Variants in FAM168A observed in about 807,000 individuals in gnomAD.
FAM168A encodes the protein family with sequence similarity 168 member A.
FAM168A carries 3 observed loss-of-function variants against 28.5 expected under a neutral mutation model. The ratio of observed to expected loss-of-function variants is 0.11; its 90% CI spans 0.05 to 0.27. The LOEUF (loss-of-function observed/expected upper bound fraction) is 0.27. Ranked by LOEUF, FAM168A falls within the 10% of genes least tolerant of loss-of-function variation. FAM168A has a pLI of 1.00. For synonymous variants in FAM168A, 122 were observed against 124.2 expected (o/e 0.98, Z 0.12); for missense variants, 222 against 311.5 (o/e 0.71, Z 2.16).
intron 1 of FAM168A, among the ~76,000 whole-genome samples, chr11:73,574,025 G>A (rs1006597077): frequency 3.3e-5 from 5 of 151,784 alleles, no homozygotes; most frequent in African/African-American, 1.2e-4. Flanking sequence ...CTCAGGAGGC[G>A]AGGCAGGGGG....
intron 1 of FAM168A, among the ~76,000 whole-genome samples, chr11:73,589,495 G>GAAAAAAAAAAAA (rs780232062): frequency 3.1e-5 from 2 of 64,972 alleles, no homozygotes; most frequent in African/African-American, 1.2e-4. Context: ...CTGATAAGCT[G>GAAAAAAAAAAAA]AAAAAAAAAA....
Position 73,523,584 on chromosome 11 carries a change from C to T in FAM168A, c.-18-55092G>A, listed in dbSNP as rs189071141. Among the ~76,000 whole-genome samples, 282 of 152,184 alleles carry T rather than the reference C, an allele frequency of 1.9e-3. 1 individual carries two copies. The highest frequency in any genetic ancestry group is 3.5e-3 in the Non-Finnish European group (237 of 68,020). On this transcript the variant is annotated intron_variant, in intron 1 of 7. Coordinates refer to ENST00000356467, the MANE Select transcript of FAM168A (RefSeq NM_015159.3). ...GACCTCTGCTTCCCAATGGTAATCACGTTCAACTTTTAGCACCATGCCTGG... is the reference window on the plus strand; with the variant it reads ...GACCTCTGCTTCCCAATGGTAATCATGTTCAACTTTTAGCACCATGCCTGG...
At chr11:73,554,715 T>C (rs998247044) in intron 1 of FAM168A, among the ~76,000 whole-genome samples, 2 of 152,236 alleles carry the variant, frequency 1.3e-5, no homozygotes, top group African/African-American at 2.4e-5. Flanking sequence ...AAAAAGATTA[T>C]GTTAATCCTA....
intron 3 of FAM168A, among the ~76,000 whole-genome samples, chr11:73,426,091 C>A (rs140311076): frequency 2.6e-5 from 4 of 152,276 alleles, no homozygotes; most frequent in Non-Finnish European, 5.9e-5. Context: ...GCAGTGAAAT[C>A]AAATGAGACA....
At chr11:73,531,682 A>G (rs1943515176) in intron 1 of FAM168A, among the ~76,000 whole-genome samples, 1 of 149,056 alleles carries the variant, frequency 6.7e-6, no homozygotes, top group South Asian at 2.1e-4. Context: ...TTCTCTTAAA[A>G]CAACAAGCTC....
intron 1 of FAM168A, among the ~76,000 whole-genome samples, chr11:73,491,830 A>G (rs1449021487): frequency 6.6e-6 from 1 of 152,112 alleles, no homozygotes; most frequent in African/African-American, 2.4e-5. Flanking sequence ...TCTTTTCCCC[A>G]TCTACCTCCT....
At chr11:73,506,842 G>A (rs918144368) in intron 1 of FAM168A, among the ~76,000 whole-genome samples, 1 of 152,046 alleles carries the variant, frequency 6.6e-6, no homozygotes, top group African/African-American at 2.4e-5. Context: ...TGAAAACACA[G>A]ATATGCTAAA....
intron 1 of FAM168A, among the ~76,000 whole-genome samples, chr11:73,501,008 T>C (rs1286813651): frequency 7.6e-6 from 1 of 132,302 alleles, no homozygotes; most frequent in Non-Finnish European, 1.6e-5. Context: ...ACCAAGCAAA[T>C]GGAAAGCAAA....
chr11:73,567,993 G>A (rs145970388), intron 1 of FAM168A, among the ~76,000 whole-genome samples: 8 of 152,276 alleles, frequency 5.3e-5, no homozygotes, highest in Non-Finnish European at 1.2e-4. Flanking sequence ...TCTTTCAGCA[G>A]CTACCCTGTA....
At chr11:73,449,805 A>G (rs1397158829) in intron 2 of FAM168A, among the ~76,000 whole-genome samples, 1 of 152,256 alleles carries the variant, frequency 6.6e-6, no homozygotes, top group Admixed American at 6.5e-5. Context: ...GTAACAGTGA[A>G]GGCCAAAGCT....
In FAM168A at chr11:73,484,540, ATATC is replaced by A. The variant is rs1480677869; in HGVS notation, c.-18-16052_-18-16049del. Among the ~76,000 whole-genome samples, 6 of 136,456 alleles carry A rather than the reference ATATC, an allele frequency of 4.4e-5. 1 individual carries two copies. Among genetic ancestry groups the A allele is most frequent in the African/African-American group, 1.2e-4 (4 of 32,580 alleles). The allele number at this position is 136,456 out of a possible 152,430, so 89.5% of individuals were successfully genotyped here. The stretch of plus-strand genomic sequence containing the variant: ...TAGATATATATATCTATATATCTAT[ATATC>A]TATCTATATCTATATATCTATATAT... On this transcript the variant is annotated intron_variant, in intron 1 of 7. Transcript: ENST00000356467.
At chr11:73,492,697 T>C (rs994142474) in intron 1 of FAM168A, among the ~76,000 whole-genome samples, 1 of 151,908 alleles carries the variant, frequency 6.6e-6, no homozygotes, top group South Asian at 2.1e-4. Flanking sequence ...TTATTCATTA[T>C]GTAAATCACT....
At chr11:73,520,908 TAA>T (rs397942828) in intron 1 of FAM168A, among the ~76,000 whole-genome samples, 1 of 142,224 alleles carries the variant, frequency 7.0e-6, no homozygotes, top group Non-Finnish European at 1.6e-5. Context: ...AATAAGCAGC[TAA>T]AAAAAAAAAC....
At chr11:73,571,303 C>G (rs1015581418) in intron 1 of FAM168A, among the ~76,000 whole-genome samples, 5 of 147,226 alleles carry the variant, frequency 3.4e-5, no homozygotes, top group Non-Finnish European at 7.4e-5. Flanking sequence ...CGAGCCGAAG[C>G]TGGACTGTAC....
chr11:73,472,531 G>A (rs1867829978), intron 1 of FAM168A, among the ~76,000 whole-genome samples: 1 of 152,200 alleles, frequency 6.6e-6, no homozygotes, highest in African/African-American at 2.4e-5. Context: ...CCACTGGACT[G>A]TTTTACAAAG....
At chr11:73,490,328 A>G (rs1173838126) in intron 1 of FAM168A, among the ~76,000 whole-genome samples, 3 of 152,108 alleles carry the variant, frequency 2.0e-5, no homozygotes, top group East Asian at 1.9e-4. Flanking sequence ...TCTTTTGTCT[A>G]TTCTCAACAC....
chr11:73,429,441 T>A (rs181210072), intron 3 of FAM168A, among the ~76,000 whole-genome samples: 2 of 152,250 alleles, frequency 1.3e-5, no homozygotes, highest in Admixed American at 1.3e-4. Flanking sequence ...AATGGGCGGG[T>A]ATTATCAAGA....
chr11:73,438,268 T>C (rs1264006512), intron 2 of FAM168A, among the ~76,000 whole-genome samples: 1 of 152,194 alleles, frequency 6.6e-6, no homozygotes, highest in Admixed American at 6.5e-5. Context: ...ATATGTAAGA[T>C]ATAATCAGAG....
chr11:73,459,346 C>T (rs1867600070), intron 2 of FAM168A, among the ~76,000 whole-genome samples: 1 of 151,610 alleles, frequency 6.6e-6, no homozygotes, highest in Non-Finnish European at 1.5e-5. Flanking sequence ...ATTAGCCGGG[C>T]GTGGTGGCAT....
Sources: gnomAD v4.1 joint callset for allele counts (sites outside exome capture counted in the v4.1 genomes callset) on GRCh38, gnomAD v4.1.1 for gene constraint, MANE v1.5 for transcripts, NCBI Gene and HGNC (gene_info 2026-07-23, HGNC 2026-07-21) for gene names.